Variants in LRIG1 observed in about 807,000 individuals in gnomAD.
LRIG1 encodes leucine rich repeats and immunoglobulin like domains 1, also known as leucine-rich repeats and immunoglobulin-like domains protein 1.
In LRIG1, 48 loss-of-function variants were observed where a neutral mutation model predicts 99.2. The observed-to-expected ratio is 0.48, with a 90% CI of 0.38 to 0.62. The LOEUF is 0.62. LRIG1 is among the 20% of genes least tolerant of loss of function. The pLI is 0.00. For missense variants in LRIG1, 1,646 were observed against 1,434.4 expected (o/e 1.15, Z -2.38); for synonymous variants, 772 against 596.1 (o/e 1.29, Z -4.30).
Position 66,462,528 on chromosome 3 carries a change from G to GA in LRIG1, c.219-20dup, listed in dbSNP as rs1020971406. 2 of 1,565,448 alleles carry GA rather than the reference G, an allele frequency of 1.3e-6. No individual in the cohort carries two copies. The highest frequency in any genetic ancestry group is 1.4e-5 in the African/African-American group (1 of 73,940). Reference sequence around the variant, plus strand: ...CAGGTTTCTGGTAAAGACAGAGAGAGAAAAAAACGGAATCAACAACCTGGC... The same window carrying GA: ...CAGGTTTCTGGTAAAGACAGAGAGAGAAAAAAAACGGAATCAACAACCTGGC... On this transcript the variant is annotated intron_variant, in intron 1 of 18. Coordinates refer to ENST00000273261, the MANE Select transcript of LRIG1 (RefSeq NM_015541.3).
chr3:66,471,544 A>G (rs971825600), intron 1 of LRIG1, among the ~76,000 whole-genome samples: 4 of 152,148 alleles, frequency 2.6e-5, no homozygotes, highest in Admixed American at 1.3e-4. Flanking sequence ...CTGCAGGGAG[A>G]GCAAAGGCTC....
intron 2 of LRIG1, among the ~76,000 whole-genome samples, chr3:66,455,544 G>C (rs1700193611): frequency 6.6e-6 from 1 of 152,228 alleles, no homozygotes; most frequent in Non-Finnish European, 1.5e-5. Context: ...CTGCTGGTAT[G>C]AATGGACCAT....
chr3:66,382,959 C>T, intron 15 of LRIG1, 23 bp downstream of exon 15: 1 of 1,572,344 alleles, frequency 6.4e-7, no homozygotes, highest in Non-Finnish European at 8.7e-7. Context: ...CCTTGAAAGT[C>T]AGCTCCGCTG....
At chr3:66,419,193 A>G (rs748394206) in intron 3 of LRIG1, among the ~76,000 whole-genome samples, 3 of 152,138 alleles carry the variant, frequency 2.0e-5, no homozygotes, top group Admixed American at 6.5e-5. Flanking sequence ...GAGGCCTTAC[A>G]TTGCGAAGCC....
intron 7 of LRIG1, among the ~76,000 whole-genome samples, chr3:66,409,044 G>A (rs957242637): frequency 2.8e-4 from 42 of 151,326 alleles, no homozygotes; most frequent in African/African-American, 1.0e-3. Context: ...AACACCAGCT[G>A]CAAGAATCCA....
At chr3:66,412,687 C>T (rs575359115) in intron 6 of LRIG1, among the ~76,000 whole-genome samples, 184 bp downstream of exon 6, 4 of 152,278 alleles carry the variant, frequency 2.6e-5, no homozygotes, top group Admixed American at 2.0e-4. Flanking sequence ...GGTGTGGGCG[C>T]GCACGTGCAC....
Position 66,380,371 on chromosome 3 carries a change from G to A in LRIG1, c.3174C>T (p.Ser1058=), listed in dbSNP as rs1176193880. The A allele has an allele frequency of 1.9e-6, 3 of 1,614,162 alleles. No homozygotes were observed. Among genetic ancestry groups the A allele is most frequent in the Admixed American group, 1.7e-5 (1 of 60,028 alleles). The change falls in exon 19 of 19, where the codon TCC becomes TCT. Residue 1058 remains serine, a synonymous_variant. Transcript: ENST00000273261. ...CACATGCTTTGGGGAGGTGGCCATT[G>A]GAAACAAGCAAGTACTGGGCTTCCG... ...ERAEAQYLLV[S]NGHLPKACDA...
At position 66,380,680 on chromosome 3, in the gene LRIG1, G is replaced by A. The variant is rs35938214; in HGVS notation, c.2952C>T (p.Ala984=). Residue 984 remains alanine, a synonymous_variant, in exon 18 of 19, where the codon GCC becomes GCT. Transcript: ENST00000273261. Reference sequence around the variant, plus strand: ...CTTGGCACTCGGGGCAGGACCCAGCGGCAGTCCTGCTGCACTGGTGATGTG... The same window carrying A: ...CTTGGCACTCGGGGCAGGACCCAGCAGCAGTCCTGCTGCACTGGTGATGTG... ...HSPHHQCSRT[A]AGSCPECQGS... 2.2e-3 allele frequency: 3,606 copies of A among 1,614,162 alleles called. 78 individuals are homozygous for A. In the African/African-American group the frequency reaches 0.04, roughly 18 times the overall value.
chr3:66,443,546 A>G (rs1343895360), intron 3 of LRIG1, among the ~76,000 whole-genome samples: 5 of 152,086 alleles, frequency 3.3e-5, no homozygotes, highest in Non-Finnish European at 4.4e-5. Flanking sequence ...AGGGAGCCTC[A>G]GCTAAAATGT....
At chr3:66,444,678 C>A (rs1703657409) in intron 3 of LRIG1, among the ~76,000 whole-genome samples, 1 of 152,184 alleles carries the variant, frequency 6.6e-6, no homozygotes, top group South Asian at 2.1e-4. Flanking sequence ...GAGGGTAAGA[C>A]CCAGTGACTT....
intron 1 of LRIG1, among the ~76,000 whole-genome samples, chr3:66,467,902 C>T (rs936336056): frequency 6.6e-6 from 1 of 152,174 alleles, no homozygotes; most frequent in Non-Finnish European, 1.5e-5. Flanking sequence ...CCCAATAACT[C>T]GAGAACTATG....
intron 1 of LRIG1, among the ~76,000 whole-genome samples, chr3:66,489,717 G>C (rs1433847762): frequency 3.3e-5 from 5 of 152,138 alleles, no homozygotes; most frequent in African/African-American, 1.2e-4. Flanking sequence ...TCCCTTTACA[G>C]ACAGGAAATG....
intron 13 of LRIG1, 41 bp from the exon 14 acceptor site, chr3:66,384,313 T>A: frequency 6.3e-7 from 1 of 1,579,960 alleles, no homozygotes; most frequent in Non-Finnish European, 8.6e-7. Flanking sequence ...ACGGGACAGC[T>A]AGATGCAAAA....
At chr3:66,468,053 C>G (rs1463596964) in intron 1 of LRIG1, among the ~76,000 whole-genome samples, 6 of 152,198 alleles carry the variant, frequency 3.9e-5, no homozygotes, top group Non-Finnish European at 7.3e-5. Context: ...AAACTGCCCT[C>G]AGAGTATAAT....
chr3:66,439,054 C>G (rs2106769936), intron 3 of LRIG1, among the ~76,000 whole-genome samples: 1 of 152,348 alleles, frequency 6.6e-6, no homozygotes, highest in Middle Eastern at 3.4e-3. Context: ...AATCAGGGTT[C>G]TCGTTAACAC....
At chr3:66,415,107 C>G in intron 4 of LRIG1, 44 bp from the exon 5 acceptor site, 1 of 1,556,102 alleles carries the variant, frequency 6.4e-7, no homozygotes, top group Non-Finnish European at 8.7e-7. Flanking sequence ...GGTCAAAGGC[C>G]TTCCTCATTT....
chr3:66,423,463 C>G (rs537091455), intron 3 of LRIG1, among the ~76,000 whole-genome samples: 4 of 152,168 alleles, frequency 2.6e-5, no homozygotes, highest in South Asian at 2.1e-4. Context: ...CCCAGCTACT[C>G]GGGAGGCTGA....
intron 3 of LRIG1, among the ~76,000 whole-genome samples, chr3:66,449,058 T>C (rs1703815142): frequency 6.6e-6 from 1 of 152,252 alleles, no homozygotes; most frequent in African/African-American, 2.4e-5. Context: ...TGCTAAGTCT[T>C]CTGCCTTCAT....
chr3:66,380,929 A>G, intron 17 of LRIG1, 68 bp from the exon 18 acceptor site: 1 of 1,525,380 alleles, frequency 6.6e-7, no homozygotes, highest in Non-Finnish European at 9.0e-7. Context: ...CACAGAGGAC[A>G]GGCTGCTCAG....
Sources: gnomAD v4.1 joint callset for allele counts (sites outside exome capture counted in the v4.1 genomes callset) on GRCh38, gnomAD v4.1.1 for gene constraint, MANE v1.5 for transcripts, NCBI Gene and HGNC (gene_info 2026-07-23, HGNC 2026-07-21) for gene names.